The following PCDHGB7 variants were observed in gnomAD, a reference collection of about 807,000 sequenced individuals.
The protein encoded by PCDHGB7 is protocadherin gamma subfamily B, 7.
PCDHGB7 carries 37 observed loss-of-function variants against 61.4 expected under a neutral mutation model. The observed-to-expected ratio is 0.60, with a 90% CI of 0.46 to 0.79. PCDHGB7 has a LOEUF of 0.79. Among genes scored for constraint, PCDHGB7 ranks in the 30% least tolerant of loss-of-function variants. The probability of loss-of-function intolerance (pLI) is 0.00; values close to 1 mark genes in which losing one functional copy is unlikely to be tolerated. For synonymous variants in PCDHGB7, 464 were observed against 503.5 expected, an observed-to-expected ratio of 0.92 and a Z score of 1.05; for missense variants, 1,166 against 1,202.5, an observed-to-expected ratio of 0.97 and a Z score of 0.45.
At chr5:141,506,487 G>A (rs1265051912) in intron 3 of PCDHGB7, among the ~76,000 whole-genome samples, 3 of 150,464 alleles carry the variant, frequency 2.0e-5, no homozygotes, top group Non-Finnish European at 4.4e-5. Flanking sequence ...TTAGAGGCAG[G>A]CCAATCTGGA....
intron 1 of PCDHGB7, chr5:141,433,086 C>A (rs747501244): frequency 1.9e-6 from 3 of 1,614,208 alleles, no homozygotes; most frequent in African/African-American, 2.7e-5. Context: ...CCCAACTATG[C>A]AGACATGCTC....
Position 141,491,244 on chromosome 5 carries a change from T to A in PCDHGB7, c.2416-3563T>A. 1 of 1,614,210 alleles carries A rather than the reference T, an allele frequency of 6.2e-7. No individual in the cohort carries two copies. Among genetic ancestry groups the A allele is most frequent in the Non-Finnish European group, 8.5e-7 (1 of 1,180,024 alleles). On this transcript the variant is annotated intron_variant, in intron 1 of 3. Coordinates refer to ENST00000398594, the MANE Select transcript of PCDHGB7 (RefSeq NM_018927.4). This position sits in a 1 kb window ranked among gnomAD's most constrained non-coding sequence, Gnocchi z 6.9. ...CCACAGTGCTGCTGGTTCTGGAGGA[T>A]GAGGACCCTGAGGAAATGCCCAAAT...
At chr5:141,472,980 CAAAAAAA>C (rs60579131) in intron 1 of PCDHGB7, among the ~76,000 whole-genome samples, 1 of 86,108 alleles carries the variant, frequency 1.2e-5, no homozygotes, top group East Asian at 4.1e-4. Context: ...GAGTGAAACT[CAAAAAAA>C]AAAAAAAAAA....
At chr5:141,498,793 T>C (rs2154592354) in intron 2 of PCDHGB7, among the ~76,000 whole-genome samples, 1 of 152,028 alleles carries the variant, frequency 6.6e-6, no homozygotes, top group Non-Finnish European at 1.5e-5. Context: ...ATTAGCCAGG[T>C]GTGGTGGTGC....
intron 1 of PCDHGB7, chr5:141,478,018 C>T: frequency 1.9e-6 from 3 of 1,614,124 alleles, no homozygotes; most frequent in Non-Finnish European, 2.5e-6. Context: ...CCCGTCCAGT[C>T]CAAGACACAG....
intron 1 of PCDHGB7, among the ~76,000 whole-genome samples, chr5:141,470,714 T>C (rs1416956410): frequency 1.3e-5 from 2 of 152,152 alleles, no homozygotes; most frequent in Non-Finnish European, 2.9e-5. Context: ...TTTTATTTTT[T>C]TGAGTCAGGG....
rs749347013 is a variant in PCDHGB7, at chr5:141,476,739, C to G, written c.2416-18068C>G. 6.2e-7 allele frequency: 1 copy of G among 1,614,068 alleles called. No individual in the cohort carries two copies. Among genetic ancestry groups the G allele is most frequent in the South Asian group, 1.1e-5 (1 of 91,088 alleles). On this transcript the variant is annotated intron_variant, in intron 1 of 3. Transcript: ENST00000398594. The surrounding 1 kb of genome is among the most constrained non-coding windows in gnomAD (Gnocchi z 7.6). Reference sequence around the variant, plus strand: ...CGCGCCCTGGACCGAGAACGGGAGCCTAGTCTCCAGTTAGTGCTGACGGCG... The same window carrying G: ...CGCGCCCTGGACCGAGAACGGGAGCGTAGTCTCCAGTTAGTGCTGACGGCG...
At chr5:141,494,156 C>T (rs566096073) in intron 1 of PCDHGB7, among the ~76,000 whole-genome samples, 22 of 152,316 alleles carry the variant, frequency 1.4e-4, no homozygotes, top group African/African-American at 4.3e-4. Context: ...TTGTCTGGCA[C>T]GGAGTTCTAG....
intron 1 of PCDHGB7, among the ~76,000 whole-genome samples, chr5:141,470,717 A>G (rs1353989037): frequency 6.6e-6 from 1 of 152,010 alleles, no homozygotes; most frequent in Non-Finnish European, 1.5e-5. Flanking sequence ...TATTTTTTTG[A>G]GTCAGGGTCT....
At position 141,455,301 on chromosome 5, in the gene PCDHGB7, T is replaced by G. The variant is rs192443408; in HGVS notation, c.2415+35027T>G. Among the ~76,000 whole-genome samples, 191 of 152,308 alleles carry G rather than the reference T, an allele frequency of 1.3e-3. 1 individual carries two copies. Among genetic ancestry groups the G allele is most frequent in the African/African-American group, 4.4e-3 (181 of 41,566 alleles). On this transcript the variant is annotated intron_variant, in intron 1 of 3. Transcript: ENST00000398594. ...AACATCACTTTACATAGTTTCATCT[T>G]GCATTAGCAATTTTGTGTGTGTGTT...
intron 1 of PCDHGB7, chr5:141,422,941 G>C (rs777535652): frequency 1.2e-6 from 2 of 1,614,218 alleles, no homozygotes; most frequent in Non-Finnish European, 1.7e-6. Context: ...CCCCACAGAC[G>C]GCTCCACTGG....
rs774079222 is a variant in PCDHGB7 at position 141,491,314 on chromosome 5, C to T, written c.2416-3493C>T. On this transcript the variant is annotated intron_variant, in intron 1 of 3. Coordinates refer to ENST00000398594, the MANE Select transcript of PCDHGB7 (RefSeq NM_018927.4). This position sits in a 1 kb window ranked among gnomAD's most constrained non-coding sequence, Gnocchi z 6.9. ...CCCTCCTGAGCGTTCAGACCTTACC[C>T]TTTACCTCATTGTGGCTCTAGCGAC... The T allele has an allele frequency of 1.9e-6, 3 of 1,614,182 alleles. No individual in the cohort carries two copies. In the South Asian group the frequency reaches 3.3e-5, roughly 18 times the overall value.
Position 141,489,458 on chromosome 5 carries a change from G to T in PCDHGB7, c.2416-5349G>T, listed in dbSNP as rs143138320. 1 of 1,613,924 alleles carries T rather than the reference G, an allele frequency of 6.2e-7. No homozygotes were observed. Among genetic ancestry groups the T allele is most frequent in the Non-Finnish European group, 8.5e-7 (1 of 1,180,000 alleles). On this transcript the variant is annotated intron_variant, in intron 1 of 3. Coordinates refer to ENST00000398594, the MANE Select transcript of PCDHGB7 (RefSeq NM_018927.4). The surrounding 1 kb of genome is among the most constrained non-coding windows in gnomAD (Gnocchi z 4.5). ...CAATTGGGCTCTGAGGAGAATGGGC[G>T]CTATTTTTCCCTGAGCTTGATGAGT...
chr5:141,476,743 T>A lies in PCDHGB7; in HGVS notation c.2416-18064T>A. On this transcript the variant is annotated intron_variant, in intron 1 of 3. Coordinates refer to ENST00000398594, the MANE Select transcript of PCDHGB7 (RefSeq NM_018927.4). The surrounding 1 kb of genome is among the most constrained non-coding windows in gnomAD (Gnocchi z 7.6). ...CCCTGGACCGAGAACGGGAGCCTAG[T>A]CTCCAGTTAGTGCTGACGGCGTTGG... is the stretch of plus-strand genomic sequence containing the variant. The A allele has an allele frequency of 6.2e-7, 1 of 1,613,932 alleles. No individual in the cohort carries two copies. The highest frequency in any genetic ancestry group is 1.1e-5 in the South Asian group (1 of 91,064).
chr5:141,434,981 T>C (rs2097734526), intron 1 of PCDHGB7, among the ~76,000 whole-genome samples: 1 of 152,054 alleles, frequency 6.6e-6, no homozygotes. Flanking sequence ...GTTAATACTC[T>C]ATATCATTTT....
chr5:141,418,576 C>T lies in PCDHGB7; in HGVS notation c.717C>T (p.Pro239=). ...TGGTAATAGATGCCAATGACAACCCCCCAGTGTTCAGCCAGGACGTGTACA... is the reference window on the plus strand; with the variant it reads ...TGGTAATAGATGCCAATGACAACCCTCCAGTGTTCAGCCAGGACGTGTACA... ...RILVIDANDN[P]PVFSQDVYRV... Residue 239 remains proline, a synonymous_variant, in exon 1 of 4, where the codon CCC becomes CCT. Coordinates refer to ENST00000398594, the MANE Select transcript of PCDHGB7 (RefSeq NM_018927.4). 2 of 1,614,012 alleles carry T rather than the reference C, an allele frequency of 1.2e-6. No homozygotes were observed. The highest frequency in any genetic ancestry group is 1.1e-5 in the South Asian group (1 of 91,090).
intron 1 of PCDHGB7, chr5:141,427,900 C>T (rs1351712272): frequency 2.5e-6 from 4 of 1,571,732 alleles, no homozygotes; most frequent in Non-Finnish European, 3.5e-6. Flanking sequence ...GGCTCGCCCG[C>T]GCTCAGCGCC....
At chr5:141,460,087 A>T (rs2098981724) in intron 1 of PCDHGB7, among the ~76,000 whole-genome samples, 1 of 152,008 alleles carries the variant, frequency 6.6e-6, no homozygotes, top group African/African-American at 2.4e-5. Flanking sequence ...AAAAAATAAT[A>T]ATTATACATG....
At chr5:141,460,985 A>G (rs553462661) in intron 1 of PCDHGB7, among the ~76,000 whole-genome samples, 245 of 91,804 alleles carry the variant, frequency 2.7e-3, no homozygotes, top group Middle Eastern at 5.0e-3. Context: ...GTGTGTGTGT[A>G]TATATATATA....
Sources: allele counts gnomAD v4.1 joint callset (sites outside exome capture counted in the v4.1 genomes callset), GRCh38; gene constraint gnomAD v4.1.1; non-coding constraint Gnocchi (gnomAD v3.1); transcripts MANE v1.5; gene names NCBI Gene and HGNC (gene_info 2026-07-23, HGNC 2026-07-21).